ACTR3C: variants seen among roughly 807,000 people sequenced by gnomAD.
ACTR3C encodes actin-related protein 3C.
ACTR3C carries 18 observed loss-of-function variants against 26.3 expected under a neutral mutation model. That is an observed-to-expected ratio of 0.68 (90% CI 0.47 to 1.01). The LOEUF (loss-of-function observed/expected upper bound fraction) is 1.01, where lower values mean the gene tolerates loss of function less well. Among genes scored for constraint, ACTR3C ranks in the 50% least tolerant of loss-of-function variants. The pLI is 0.00. For missense variants in ACTR3C, 184 were observed against 250.7 expected, an observed-to-expected ratio of 0.73 and a Z score of 1.80; for synonymous variants, 55 against 94.5, an observed-to-expected ratio of 0.58 and a Z score of 2.42.
At chr7:149,943,601 A>G in the ACTR3C span, among the ~76,000 whole-genome samples, 146,412 of 151,996 alleles carry the variant, frequency 0.96, 70,720 homozygotes, top group Non-Finnish European at 0.99. Context: ...GGTGGTGCAT[A>G]CCTGTAATCC....
intron 6 of ACTR3C, among the ~76,000 whole-genome samples, chr7:150,280,432 T>A (rs969398600): frequency 3.9e-5 from 6 of 152,118 alleles, no homozygotes; most frequent in Non-Finnish European, 8.8e-5. Flanking sequence ...AAAAAAACTG[T>A]TTTGCTTGTT....
the ACTR3C span, among the ~76,000 whole-genome samples, chr7:150,038,457 G>C: frequency 6.1e-3 from 876 of 143,344 alleles, 60 homozygotes; most frequent in Middle Eastern, 0.021. Context: ...CATTTCAAAA[G>C]TTCCGGGTCC....
At chr7:149,962,537 T>C in the ACTR3C span, among the ~76,000 whole-genome samples, 1 of 151,962 alleles carries the variant, frequency 6.6e-6, no homozygotes, top group South Asian at 2.1e-4. Context: ...CGCCATGTCT[T>C]CTTCCTTCCC....
the ACTR3C span, among the ~76,000 whole-genome samples, chr7:150,118,315 G>T: frequency 6.6e-6 from 1 of 151,976 alleles, no homozygotes; most frequent in Non-Finnish European, 1.5e-5. Flanking sequence ...CTAACCCAAT[G>T]CAAGGAAGCT....
intron 5 of ACTR3C, 98 bp downstream of exon 5, chr7:150,286,269 T>G: frequency 7.1e-7 from 1 of 1,402,652 alleles, no homozygotes; most frequent in Non-Finnish European, 9.6e-7. Flanking sequence ...ACGGCCACCC[T>G]GCTCACAGGC....
Position 150,280,667 on chromosome 7 carries a change from T to C in ACTR3C, c.564+4086A>G, listed in dbSNP as rs570656081. On this transcript the variant is annotated intron_variant, in intron 6 of 7. Coordinates refer to ENST00000683684, the MANE Select transcript of ACTR3C (RefSeq NM_001164458.2). ...ATCTTACATATTCTCACTGCACACA[T>C]TGAAAAAGGTAGCTGTGTGAGGTGA... is the stretch of plus-strand genomic sequence containing the variant. Among the ~76,000 whole-genome samples, 3 of 152,138 alleles carry C rather than the reference T, an allele frequency of 2.0e-5. No individual in the cohort carries two copies. In the East Asian group the frequency reaches 5.8e-4, roughly 30 times the overall value.
At chr7:150,033,656 T>A in the ACTR3C span, among the ~76,000 whole-genome samples, 1,567 of 151,154 alleles carry the variant, frequency 0.01, 5 homozygotes, top group African/African-American at 0.016. Context: ...AGGGAGTGGC[T>A]CTCAGTCCCT....
the ACTR3C span, among the ~76,000 whole-genome samples, chr7:150,029,422 C>CA: frequency 7.9e-4 from 54 of 68,116 alleles, no homozygotes; most frequent in South Asian, 1.4e-3. Context: ...AAAAAACAAA[C>CA]AAAAAAAAAC....
chr7:149,885,130 A>AG, the ACTR3C span, among the ~76,000 whole-genome samples: 3 of 152,144 alleles, frequency 2.0e-5, no homozygotes, highest in Non-Finnish European at 1.5e-5. Flanking sequence ...GCTCCTGGCC[A>AG]TGACAACTAT....
chr7:150,320,622 G>T (rs1797406032), intron 1 of ACTR3C, among the ~76,000 whole-genome samples: 1 of 152,124 alleles, frequency 6.6e-6, no homozygotes. Flanking sequence ...AATTAGCCAG[G>T]TAAAGTGGCG....
At chr7:149,944,544 T>C in the ACTR3C span, among the ~76,000 whole-genome samples, 698 of 150,306 alleles carry the variant, frequency 4.6e-3, 5 homozygotes, top group African/African-American at 0.017. Flanking sequence ...GCACCTGTTC[T>C]CTCCATCCTG....
chr7:150,318,593 C>G (rs1225685628), intron 1 of ACTR3C, among the ~76,000 whole-genome samples: 2 of 152,170 alleles, frequency 1.3e-5, no homozygotes, highest in Non-Finnish European at 2.9e-5. Flanking sequence ...GAAATCCCAT[C>G]TGTACTAAAA....
chr7:149,930,892 ATC>A, the ACTR3C span, among the ~76,000 whole-genome samples: 5 of 152,026 alleles, frequency 3.3e-5, no homozygotes, highest in African/African-American at 1.2e-4. Flanking sequence ...TTAAGATGGA[ATC>A]TCACTCTGTC....
the ACTR3C span, among the ~76,000 whole-genome samples, chr7:150,160,606 A>ATAT: frequency 6.6e-6 from 1 of 152,316 alleles, no homozygotes; most frequent in Non-Finnish European, 1.5e-5. Context: ...CATGTAATTA[A>ATAT]TAAAGACCAT....
chr7:150,103,745 T>C, the ACTR3C span, among the ~76,000 whole-genome samples: 3 of 151,986 alleles, frequency 2.0e-5, 1 homozygote, highest in African/African-American at 7.3e-5. Flanking sequence ...ATTGCTATGG[T>C]TGAGGGCACC....
At chr7:149,942,326 T>C in the ACTR3C span, among the ~76,000 whole-genome samples, 3 of 152,162 alleles carry the variant, frequency 2.0e-5, no homozygotes, top group Non-Finnish European at 4.4e-5. Flanking sequence ...GTTCCATCTA[T>C]GGTTTTGTTC....
chr7:150,046,698 T>G, the ACTR3C span, among the ~76,000 whole-genome samples: 3 of 142,686 alleles, frequency 2.1e-5, no homozygotes, highest in Non-Finnish European at 4.6e-5. Flanking sequence ...AAAAGCACAG[T>G]TTCCTCCCTT....
chr7:150,280,727 T>A (rs1334631604), intron 6 of ACTR3C, among the ~76,000 whole-genome samples: 1 of 151,994 alleles, frequency 6.6e-6, no homozygotes, highest in Non-Finnish European at 1.5e-5. Context: ...TGGTAAGCAT[T>A]CCACGATGTA....
At position 150,295,275 on chromosome 7, in the gene ACTR3C, G is replaced by A. The variant is rs1204182868; in HGVS notation, c.22C>T (p.Pro8Ser). 3.1e-6 allele frequency: 5 copies of A among 1,614,028 alleles called. No individual in the cohort carries two copies. Among genetic ancestry groups the A allele is most frequent in the Non-Finnish European group, 4.2e-6 (5 of 1,179,874 alleles). Residue 8 changes from proline (P) to serine (S), a missense_variant, in exon 2 of 8, where the codon CCA becomes TCA. Pro to Ser is a moderately conservative substitution (Grantham distance 74). Coordinates refer to ENST00000683684, the MANE Select transcript of ACTR3C (RefSeq NM_001164458.2). MFESFNV[P>S]GLYIAVQAVL... is the part of the protein sequence containing the mutation. ...ACCTGAACTGCAATGTAGAGTCCTG[G>A]AACGTTAAATGATTCGAACATAATT...
Sources: gnomAD v4.1 joint callset for allele counts (sites outside exome capture counted in the v4.1 genomes callset) on GRCh38, gnomAD v4.1.1 for gene constraint, MANE v1.5 for transcripts, NCBI Gene and HGNC (gene_info 2026-07-23, HGNC 2026-07-21) for gene names.